Variants in SF3B1 observed in about 807,000 individuals in gnomAD.
SF3B1 encodes the protein splicing factor 3b subunit 1.
In SF3B1, 12 loss-of-function variants were observed where a neutral mutation model predicts 153.8. The observed-to-expected ratio is 0.08, with a 90% CI of 0.05 to 0.13. The LOEUF is 0.13. SF3B1 is among the 10% of genes least tolerant of loss of function. The pLI, the probability that SF3B1 is intolerant of heterozygous loss-of-function variation, is 1.00. For synonymous variants in SF3B1, 498 were observed against 525.2 expected (o/e 0.95, Z 0.71); for missense variants, 513 against 1,606.1 (o/e 0.32, Z 11.63).
chr2:197,418,258 A>AAAAAAAAAAAAAAAAAAAAC (rs2085185344), intron 5 of SF3B1, among the ~76,000 whole-genome samples: 1 of 138,908 alleles, frequency 7.2e-6, no homozygotes, highest in Non-Finnish European at 1.6e-5. Context: ...AAAAAAAAAA[A>AAAAAAAAAAAAAAAAAAAAC]AAAAAATCCC....
rs1387954448 is a variant in SF3B1 at position 197,400,648 on chromosome 2, T to G, written c.2718+67A>C. On this transcript the variant is annotated intron_variant, in intron 18 of 24. Transcript: ENST00000335508. This position sits in a 1 kb window ranked among gnomAD's most constrained non-coding sequence, Gnocchi z 5.0. ...CAATTGCATTCTAGAAAAATTTGCT[T>G]GACAACTAATATGCTTTTCTACAAA... is the stretch of plus-strand genomic sequence containing the variant. 1.5e-6 allele frequency: 2 copies of G among 1,292,614 alleles called. No homozygotes were observed. The highest frequency in any genetic ancestry group is 4.2e-5 in the Admixed American group (2 of 47,198). 80.1% of individuals were successfully genotyped at this position (1,292,614 alleles called of 1,614,324 possible). A position where few individuals can be genotyped will look rare whatever the true frequency, so the allele number is the denominator to read the frequency against.
chr2:197,418,339 AGT>A (rs1206254299), intron 5 of SF3B1, among the ~76,000 whole-genome samples, 168 bp downstream of exon 5: 1 of 151,160 alleles, frequency 6.6e-6, no homozygotes, highest in Non-Finnish European at 1.5e-5. Flanking sequence ...AGAAATGAAA[AGT>A]TTTACTTGGA....
intron 20 of SF3B1, chr2:197,399,017 C>A (rs2084907707): frequency 1.6e-6 from 2 of 1,279,748 alleles, no homozygotes; most frequent in Non-Finnish European, 2.1e-6. Context: ...CAATGCAGGG[C>A]ATACTTGGAT....
intron 24 of SF3B1, 53 bp downstream of exon 24, chr2:197,392,919 A>G (rs1374740208): frequency 4.0e-6 from 4 of 996,534 alleles, no homozygotes; most frequent in Non-Finnish European, 6.0e-6. Flanking sequence ...CAGAACTTAA[A>G]GTATTATTTA....
At chr2:197,427,349 A>T (rs1006611971) in intron 1 of SF3B1, among the ~76,000 whole-genome samples, 1 of 152,208 alleles carries the variant, frequency 6.6e-6, no homozygotes, top group Non-Finnish European at 1.5e-5. Flanking sequence ...TAAAGTCCAA[A>T]CAGCTTAATG....
intron 24 of SF3B1, 110 bp from the exon 25 acceptor site, chr2:197,392,571 G>GGC (rs1553563308): frequency 1.9e-5 from 3 of 159,856 alleles, no homozygotes; most frequent in Non-Finnish European, 2.0e-5. Flanking sequence ...TTGGGGAGTT[G>GGC]GGGGGGGGGG....
Position 197,400,599 on chromosome 2 carries a change from G to A in SF3B1, c.2718+116C>T, listed in dbSNP as rs1247502790. The A allele has an allele frequency of 2.9e-6, 3 of 1,024,408 alleles. No individual in the cohort carries two copies. Among genetic ancestry groups the A allele is most frequent in the Non-Finnish European group, 4.3e-6 (3 of 705,198 alleles). 63.5% of individuals were successfully genotyped at this position (1,024,408 alleles called of 1,614,324 possible). On this transcript the variant is annotated intron_variant, in intron 18 of 24. Transcript: ENST00000335508. The surrounding 1 kb of genome is among the most constrained non-coding windows in gnomAD (Gnocchi z 5.0). ...ATAATATCGTTTGGTAACCCCCTGA[G>A]CATTTTAAAAATTACTTCAAATTCA...
intron 23 of SF3B1, 61 bp downstream of exon 23, chr2:197,395,995 G>A (rs769348349): frequency 7.5e-5 from 106 of 1,410,088 alleles, no homozygotes; most frequent in Non-Finnish European, 9.3e-5. Flanking sequence ...ACTATTTCAC[G>A]ATGTTCTAAA....
In SF3B1 at chr2:197,392,959, A is replaced by AG. The variant is rs768171136; in HGVS notation, c.3756+12_3756+13insC. The AG allele has an allele frequency of 6.6e-7, 1 of 1,507,906 alleles. No homozygotes were observed. Among genetic ancestry groups the AG allele is most frequent in the Non-Finnish European group, 9.1e-7 (1 of 1,102,182 alleles). 93.4% of individuals were successfully genotyped at this position (1,507,906 alleles called of 1,614,324 possible). A position where few individuals can be genotyped will look rare whatever the true frequency, so the allele number is the denominator to read the frequency against. ...AAAAAAATCACCGATTAAAAAAAAAATCTTTAACTTACCTGTAAACAATAT... is the reference window on the plus strand; with the variant it reads ...AAAAAAATCACCGATTAAAAAAAAAAGTCTTTAACTTACCTGTAAACAATAT... On this transcript the variant is annotated intron_variant, in intron 24 of 24. Transcript: ENST00000335508.
At chr2:197,425,725 C>T (rs1454632087) in intron 1 of SF3B1, among the ~76,000 whole-genome samples, 2 of 151,896 alleles carry the variant, frequency 1.3e-5, no homozygotes, top group Non-Finnish European at 2.9e-5. Context: ...TGGAGGCAGA[C>T]GCGGTAGCTC....
chr2:197,395,042 T>G (rs2084860357), intron 23 of SF3B1, among the ~76,000 whole-genome samples: 1 of 152,264 alleles, frequency 6.6e-6, no homozygotes, highest in African/African-American at 2.4e-5. Context: ...AGCATAAGAA[T>G]GAAGCAGTAT....
intron 9 of SF3B1, 94 bp downstream of exon 9, chr2:197,407,904 T>G (rs915432273): frequency 2.8e-6 from 3 of 1,085,090 alleles, no homozygotes; most frequent in Admixed American, 2.0e-5. Flanking sequence ...AATAGTAAAT[T>G]TGGGCAAAGC....
Position 197,403,687 on chromosome 2 carries a change from C to G in SF3B1, c.1617G>C (p.Leu539=), listed in dbSNP as rs1200079349. The G allele has an allele frequency of 6.3e-7, 1 of 1,599,364 alleles. No homozygotes were observed. The highest frequency in any genetic ancestry group is 8.5e-7 in the Non-Finnish European group (1 of 1,175,658). Reference sequence around the variant, plus strand: ...CTTGATCCTCAAGTGTAGGAGACATCAGCAGAGGAAGAATCTGATTAAACA... The same window carrying G: ...CTTGATCCTCAAGTGTAGGAGACATGAGCAGAGGAAGAATCTGATTAAACA... ...GPLFNQILPL[L]MSPTLEDQER... Residue 539 remains leucine, a synonymous_variant, in exon 12 of 25, where the codon CTG becomes CTC. Transcript: ENST00000335508.
chr2:197,429,019 A>G (rs1383409133), intron 1 of SF3B1, among the ~76,000 whole-genome samples: 1 of 152,128 alleles, frequency 6.6e-6, no homozygotes, highest in East Asian at 1.9e-4. Context: ...AAATGAGAGA[A>G]CATACCAAAA....
At chr2:197,403,234 A>AC (rs1416356969) in intron 12 of SF3B1, among the ~76,000 whole-genome samples, 199 bp from the exon 13 acceptor site, 2 of 152,204 alleles carry the variant, frequency 1.3e-5, no homozygotes, top group African/African-American at 2.4e-5. Flanking sequence ...TTAGTGACAC[A>AC]CTAATATTCA....
rs1471505975 is a variant in SF3B1 at position 197,400,498 on chromosome 2, C to G, written c.2719-64G>C. Reference sequence around the variant, plus strand: ...TTTATGACTGCACAGTTGAAATACACTAAGAGTCAACCTTTTCTAACCACC... The same window carrying G: ...TTTATGACTGCACAGTTGAAATACAGTAAGAGTCAACCTTTTCTAACCACC... On this transcript the variant is annotated intron_variant, in intron 18 of 24. Transcript: ENST00000335508. The surrounding 1 kb of genome is among the most constrained non-coding windows in gnomAD (Gnocchi z 5.0). 3.6e-6 allele frequency: 5 copies of G among 1,387,036 alleles called. No individual in the cohort carries two copies. In the Admixed American group the frequency reaches 1.1e-4, roughly 31 times the overall value. The allele number at this position is 1,387,036 out of a possible 1,614,324, so 85.9% of individuals were successfully genotyped here. A position where few individuals can be genotyped will look rare whatever the true frequency, so the allele number is the denominator to read the frequency against.
chr2:197,399,991 G>C (rs1244027643), intron 20 of SF3B1, 64 bp downstream of exon 20: 3 of 1,009,700 alleles, frequency 3.0e-6, no homozygotes, highest in South Asian at 1.7e-5. Flanking sequence ...TTTTACTTAC[G>C]AAAAAAAAAA....
At chr2:197,428,290 T>C (rs1016433509) in intron 1 of SF3B1, among the ~76,000 whole-genome samples, 1 of 152,080 alleles carries the variant, frequency 6.6e-6, no homozygotes, top group African/African-American at 2.4e-5. Context: ...CACTGCACTC[T>C]AGCCTGGGTG....
At chr2:197,434,923 T>C (rs1428581211) in intron 1 of SF3B1, 49 bp downstream of exon 1, 1 of 1,584,640 alleles carries the variant, frequency 6.3e-7, no homozygotes, top group South Asian at 1.1e-5. Flanking sequence ...AAAAGGCTTT[T>C]ATTAGGCTAG....
Sources: gnomAD v4.1 joint callset for allele counts (sites outside exome capture counted in the v4.1 genomes callset) on GRCh38, gnomAD v4.1.1 for gene constraint, Gnocchi (gnomAD v3.1) non-coding constraint, MANE v1.5 for transcripts, NCBI Gene and HGNC (gene_info 2026-07-23, HGNC 2026-07-21) for gene names.